CDH12: variants seen among roughly 807,000 people sequenced by gnomAD.
CDH12 encodes cadherin-12.
CDH12 carries 41 observed loss-of-function variants against 74.1 expected under a neutral mutation model. That is an observed-to-expected ratio of 0.55 (90% CI 0.43 to 0.72). CDH12 has a LOEUF of 0.72. Among genes scored for constraint, CDH12 ranks in the 30% least tolerant of loss-of-function variants. CDH12 has a pLI of 0.00. For missense variants in CDH12, 945 were observed against 977.2 expected, an observed-to-expected ratio of 0.97 and a Z score of 0.44; for synonymous variants, 399 against 355.0, an observed-to-expected ratio of 1.12 and a Z score of -1.39.
chr5:22,423,994 C>T (rs1743775037), intron 2 of CDH12, among the ~76,000 whole-genome samples: 2 of 90,552 alleles, frequency 2.2e-5, no homozygotes, highest in Non-Finnish European at 3.8e-5. Context: ...CAGAGCGAGA[C>T]TCTGTCTCAA....
intron 4 of CDH12, among the ~76,000 whole-genome samples, chr5:22,095,906 C>T (rs1028309102): frequency 9.2e-5 from 14 of 151,798 alleles, no homozygotes; most frequent in South Asian, 2.1e-4. Context: ...CCCTTATTTC[C>T]GTGCCCCAAC....
At chr5:22,552,810 G>T (rs547449401) in intron 1 of CDH12, among the ~76,000 whole-genome samples, 2 of 152,164 alleles carry the variant, frequency 1.3e-5, no homozygotes, top group South Asian at 4.1e-4. Context: ...TATGTCTATG[G>T]ATTTTTTATC....
At chr5:22,056,276 C>T (rs1458012494) in intron 5 of CDH12, among the ~76,000 whole-genome samples, 1 of 152,070 alleles carries the variant, frequency 6.6e-6, no homozygotes, top group Non-Finnish European at 1.5e-5. Context: ...TTGGTTTTGA[C>T]CTGAATTCCC....
At chr5:22,441,126 T>C (rs1744606962) in intron 2 of CDH12, among the ~76,000 whole-genome samples, 1 of 152,172 alleles carries the variant, frequency 6.6e-6, no homozygotes, top group Non-Finnish European at 1.5e-5. Flanking sequence ...TTTGACAATA[T>C]CTGCTACCTG....
chr5:22,580,571 T>A, intron 1 of CDH12: 1 of 467,594 alleles, frequency 2.1e-6, no homozygotes, highest in Admixed American at 2.3e-5. Context: ...ATGTGTCTTG[T>A]GCTCACTCCA....
chr5:22,800,300 G>A (rs1748443997), intron 1 of CDH12, among the ~76,000 whole-genome samples: 1 of 152,108 alleles, frequency 6.6e-6, no homozygotes, highest in African/African-American at 2.4e-5. Context: ...TGGTTTCTTG[G>A]TTAAAGGAGT....
At position 22,078,761 on chromosome 5, in the gene CDH12, C is replaced by T; in HGVS notation, c.-85G>A. On this transcript the variant is annotated 5_prime_UTR_variant, in exon 5 of 15. Coordinates refer to ENST00000382254, the MANE Select transcript of CDH12 (RefSeq NM_004061.5). ...GAATCCAGGTTTGAGGTGTCTGTGG[C>T]CTCCACCACTTAGCTTCTTGTTTTA... 1 of 1,536,084 alleles carries T rather than the reference C, an allele frequency of 6.5e-7. No individual in the cohort carries two copies. Among genetic ancestry groups the T allele is most frequent in the Non-Finnish European group, 8.7e-7 (1 of 1,145,908 alleles).
chr5:22,463,391 T>C (rs979565158), intron 2 of CDH12, among the ~76,000 whole-genome samples: 2 of 152,142 alleles, frequency 1.3e-5, no homozygotes, highest in Admixed American at 1.3e-4. Context: ...AGTTTTACCA[T>C]GTATAAAAAT....
chr5:21,801,460 G>A (rs1402044678), intron 10 of CDH12, among the ~76,000 whole-genome samples: 1 of 151,996 alleles, frequency 6.6e-6, no homozygotes, highest in Non-Finnish European at 1.5e-5. Context: ...GGGAAATAAA[G>A]TCTCAAAACA....
intron 4 of CDH12, among the ~76,000 whole-genome samples, chr5:22,130,149 T>C (rs1476586597): frequency 8.0e-5 from 12 of 150,154 alleles, no homozygotes; most frequent in Non-Finnish European, 1.5e-5. Flanking sequence ...AACGCATTAG[T>C]TTAGATATAT....
At chr5:22,264,249 A>T (rs2150395912) in intron 3 of CDH12, among the ~76,000 whole-genome samples, 1 of 152,136 alleles carries the variant, frequency 6.6e-6, no homozygotes, top group Admixed American at 6.6e-5. Flanking sequence ...TTGTCAACAT[A>T]AACTCAGATA....
chr5:22,681,226 GGGGTGTGTGTGT>G (rs1330969297), intron 1 of CDH12, among the ~76,000 whole-genome samples: 5 of 38,292 alleles, frequency 1.3e-4, no homozygotes, highest in African/African-American at 5.1e-4. Flanking sequence ...TGGGTATTGG[GGGGTGTGTGTGT>G]GTGTGTGTGT....
chr5:22,384,542 A>AAG (rs1554036623), intron 3 of CDH12, among the ~76,000 whole-genome samples: 9 of 142,178 alleles, frequency 6.3e-5, no homozygotes, highest in Non-Finnish European at 9.5e-5. Context: ...AAAAAAAAAG[A>AAG]AAAAGAAAAA....
At chr5:22,242,880 A>G (rs965940068) in intron 3 of CDH12, among the ~76,000 whole-genome samples, 1 of 152,102 alleles carries the variant, frequency 6.6e-6, no homozygotes, top group Non-Finnish European at 1.5e-5. Flanking sequence ...GATAAAGTCA[A>G]CTTCTTTTCT....
chr5:21,860,420 T>G (rs1237820619), intron 6 of CDH12, among the ~76,000 whole-genome samples: 1 of 150,430 alleles, frequency 6.6e-6, no homozygotes, highest in East Asian at 1.9e-4. Context: ...TGTGTATGGG[T>G]TCAAGTTGAC....
chr5:21,755,568 C>A (rs373178721), intron 14 of CDH12, 23 bp downstream of exon 14: 1 of 1,596,640 alleles, frequency 6.3e-7, no homozygotes, highest in Non-Finnish European at 8.6e-7. Flanking sequence ...AAAAAATTAA[C>A]AATGATTAAT....
intron 4 of CDH12, among the ~76,000 whole-genome samples, chr5:22,119,803 T>G (rs1745398623): frequency 6.6e-6 from 1 of 152,174 alleles, no homozygotes; most frequent in Admixed American, 6.5e-5. Flanking sequence ...TATATCTAAC[T>G]TTCAAATGGC....
chr5:21,994,235 C>T (rs1736136532), intron 5 of CDH12, among the ~76,000 whole-genome samples: 2 of 151,994 alleles, frequency 1.3e-5, no homozygotes, highest in Admixed American at 1.3e-4. Context: ...GTGCACTGGA[C>T]AACGTAATAG....
intron 6 of CDH12, among the ~76,000 whole-genome samples, chr5:21,921,383 C>T (rs1352673021): frequency 6.6e-6 from 1 of 152,152 alleles, no homozygotes; most frequent in Non-Finnish European, 1.5e-5. Context: ...ATCTGTTTAG[C>T]TTATTCCTAC....
Sources: gnomAD v4.1 joint callset for allele counts (sites outside exome capture counted in the v4.1 genomes callset) on GRCh38, gnomAD v4.1.1 for gene constraint, MANE v1.5 for transcripts, NCBI Gene and HGNC (gene_info 2026-07-23, HGNC 2026-07-21) for gene names.